The following AOPEP variants were observed in gnomAD, a reference collection of about 807,000 sequenced individuals.
AOPEP encodes aminopeptidase O.
A neutral mutation model predicts 98.1 loss-of-function variants in AOPEP; 77 were observed. That is an observed-to-expected ratio of 0.78 (90% CI 0.65 to 0.95). The LOEUF is 0.95. Among genes scored for constraint, AOPEP ranks in the 40% least tolerant of loss-of-function variants. AOPEP has a pLI of 0.00. For missense variants in AOPEP, 1,024 were observed against 1,024.7 expected, an observed-to-expected ratio of 1.00 and a Z score of 0.01; for synonymous variants, 346 against 365.3, an observed-to-expected ratio of 0.95 and a Z score of 0.60.
intron 1 of AOPEP, among the ~76,000 whole-genome samples, chr9:94,730,161 A>G (rs961859575): frequency 1.3e-5 from 2 of 151,874 alleles, no homozygotes; most frequent in Non-Finnish European, 2.9e-5. Context: ...GCGGGCGCCT[A>G]TAGTCCCAGC....
intron 14 of AOPEP, among the ~76,000 whole-genome samples, chr9:95,063,476 C>A (rs956005224): frequency 6.6e-6 from 1 of 152,018 alleles, no homozygotes; most frequent in Non-Finnish European, 1.5e-5. Flanking sequence ...TAGATCTCCG[C>A]AGACTCCACT....
chr9:94,946,126 T>C (rs1012390339), intron 7 of AOPEP, among the ~76,000 whole-genome samples: 1 of 152,210 alleles, frequency 6.6e-6, no homozygotes, highest in African/African-American at 2.4e-5. Flanking sequence ...TCGCAATATA[T>C]ATTTAATACA....
At chr9:95,106,586 T>C in the AOPEP span, among the ~76,000 whole-genome samples, 4 of 152,244 alleles carry the variant, frequency 2.6e-5, no homozygotes, top group African/African-American at 9.6e-5. Flanking sequence ...GACCGTTTTT[T>C]ACCCCTCAAG....
At chr9:94,976,061 C>T (rs2059820657) in intron 10 of AOPEP, among the ~76,000 whole-genome samples, 1 of 152,154 alleles carries the variant, frequency 6.6e-6, no homozygotes, top group African/African-American at 2.4e-5. Flanking sequence ...TCCTGTTTTA[C>T]CTATCCCACC....
At chr9:94,779,536 T>C (rs1174966116) in intron 3 of AOPEP, among the ~76,000 whole-genome samples, 1 of 152,184 alleles carries the variant, frequency 6.6e-6, no homozygotes, top group Non-Finnish European at 1.5e-5. Context: ...ACTATAGATC[T>C]AAGACTAGAT....
At chr9:94,854,960 C>T (rs2043994427) in intron 5 of AOPEP, among the ~76,000 whole-genome samples, 1 of 152,144 alleles carries the variant, frequency 6.6e-6, no homozygotes, top group Non-Finnish European at 1.5e-5. Context: ...ATACATGTAA[C>T]AAGCATGTAT....
intron 3 of AOPEP, among the ~76,000 whole-genome samples, chr9:94,789,907 T>C (rs1342448429): frequency 6.6e-6 from 1 of 151,586 alleles, no homozygotes; most frequent in Non-Finnish European, 1.5e-5. Flanking sequence ...GGAGTCTCGC[T>C]CTGTGGCCCA....
intron 9 of AOPEP, among the ~76,000 whole-genome samples, chr9:94,956,599 C>A (rs1482520485): frequency 2.6e-5 from 4 of 152,196 alleles, no homozygotes; most frequent in Non-Finnish European, 5.9e-5. Context: ...AGATTAATAA[C>A]CAGATACACT....
At chr9:95,083,547 C>T (rs944243570) in intron 16 of AOPEP, among the ~76,000 whole-genome samples, 12 of 149,296 alleles carry the variant, frequency 8.0e-5, no homozygotes, top group African/African-American at 2.5e-4. Flanking sequence ...AGAGTACACG[C>T]GGCACACACA....
chr9:94,787,562 A>C (rs1844717556), intron 3 of AOPEP, among the ~76,000 whole-genome samples: 1 of 152,208 alleles, frequency 6.6e-6, no homozygotes, highest in Non-Finnish European at 1.5e-5. Flanking sequence ...TGTTGTGCGT[A>C]GTGCTTCATT....
chr9:95,057,002 A>C (rs1381341178), intron 13 of AOPEP, among the ~76,000 whole-genome samples: 1 of 152,170 alleles, frequency 6.6e-6, no homozygotes, highest in East Asian at 1.9e-4. Context: ...CTCTGTATGG[A>C]AAAAATAACC....
chr9:94,750,070 A>G (rs1370370361), intron 1 of AOPEP, among the ~76,000 whole-genome samples: 1 of 152,204 alleles, frequency 6.6e-6, no homozygotes, highest in Non-Finnish European at 1.5e-5. Context: ...GTGGAGAGCA[A>G]TCAAAATCTC....
chr9:94,944,005 A>G (rs1261514390), intron 7 of AOPEP, among the ~76,000 whole-genome samples: 2 of 152,078 alleles, frequency 1.3e-5, no homozygotes. Context: ...CAATGAGCAC[A>G]TAAGATACTC....
the AOPEP span, among the ~76,000 whole-genome samples, chr9:95,103,957 T>TA: frequency 6.6e-6 from 1 of 152,168 alleles, no homozygotes; most frequent in South Asian, 2.1e-4. Context: ...GATGCCAAGA[T>TA]AGAGGGCAGA....
At chr9:95,081,921 C>A (rs2069836161) in intron 15 of AOPEP, among the ~76,000 whole-genome samples, 1 of 152,062 alleles carries the variant, frequency 6.6e-6, no homozygotes. Context: ...TCCAGATGGG[C>A]CCTTGGGTCT....
intron 13 of AOPEP, among the ~76,000 whole-genome samples, chr9:95,022,645 G>T (rs200108988): frequency 2.0e-5 from 3 of 150,842 alleles, no homozygotes; most frequent in South Asian, 4.2e-4. Flanking sequence ...GGCCTATTTT[G>T]TTTTTTTTTA....
chr9:94,819,432 G>T (rs142924125), intron 5 of AOPEP, among the ~76,000 whole-genome samples: 6 of 152,288 alleles, frequency 3.9e-5, no homozygotes, highest in South Asian at 2.1e-4. Context: ...CTCTTCCTCT[G>T]AATGCCTAGC....
chr9:94,981,852 C>T (rs1162666484), intron 11 of AOPEP, among the ~76,000 whole-genome samples: 1 of 152,218 alleles, frequency 6.6e-6, no homozygotes, highest in African/African-American at 2.4e-5. Context: ...TCATGTTCTA[C>T]TGGTGGAGTT....
chr9:94,766,814 A>G (rs913169852), intron 2 of AOPEP, among the ~76,000 whole-genome samples: 2 of 151,860 alleles, frequency 1.3e-5, no homozygotes, highest in Admixed American at 6.6e-5. Context: ...CTTTTGTAAA[A>G]CATTGTGATT....
Sources: allele counts gnomAD v4.1 joint callset (sites outside exome capture counted in the v4.1 genomes callset), GRCh38; gene constraint gnomAD v4.1.1; transcripts MANE v1.5; gene names NCBI Gene and HGNC (gene_info 2026-07-23, HGNC 2026-07-21).